CDH23: variants seen among roughly 807,000 people sequenced by gnomAD.
The protein encoded by CDH23 is cadherin-23.
In CDH23, 189 loss-of-function variants were observed where a neutral mutation model predicts 317.1. The ratio of observed to expected loss-of-function variants is 0.60; its 90% confidence interval spans 0.53 to 0.67. The LOEUF is 0.67. Ranked by LOEUF, CDH23 falls within the 30% of genes least tolerant of loss-of-function variation. The pLI, the probability that CDH23 is intolerant of heterozygous loss-of-function variation, is 0.00. For missense variants in CDH23, 4,401 were observed against 4,592.4 expected (o/e 0.96, Z 1.20); for synonymous variants, 1,839 against 1,876.8 (o/e 0.98, Z 0.52).
intron 10 of CDH23, 150 bp downstream of exon 10, chr10:71,615,766 C>T: frequency 1.6e-6 from 1 of 627,534 alleles, no homozygotes; most frequent in Non-Finnish European, 2.8e-6. Context: ...CCTCCCGGGG[C>T]TGTGCCCAGG....
intron 38 of CDH23, among the ~76,000 whole-genome samples, chr10:71,767,156 T>C (rs1840567092): frequency 6.6e-6 from 1 of 152,224 alleles, no homozygotes; most frequent in African/African-American, 2.4e-5. Flanking sequence ...AAAGGAGCTC[T>C]TGTTGGCATC....
intron 1 of CDH23, among the ~76,000 whole-genome samples, chr10:71,412,756 GC>G (rs2131924806): frequency 6.6e-6 from 1 of 152,236 alleles, no homozygotes; most frequent in South Asian, 2.1e-4. Context: ...TTCCCTAATG[GC>G]TAGTGATGTT....
intron 14 of CDH23, among the ~76,000 whole-genome samples, chr10:71,652,131 C>T (rs1031289193): frequency 9.9e-5 from 15 of 152,212 alleles, no homozygotes; most frequent in Admixed American, 8.5e-4. Flanking sequence ...TGTGGGGCCC[C>T]AGGACCAGCT....
chr10:71,805,831 AC>A lies in CDH23; in HGVS notation c.7899del (p.Tyr2633Ter). The stretch of plus-strand genomic sequence containing the variant: ...GAGATCCCGCTGCGCTCCAACGTGT[AC>A]GAGGTCTACGCCACGGACAAGGATG... ...REEIPLRSNV[Y>X]EVYATDKDEG... On this transcript the variant is annotated frameshift_variant, in exon 56 of 70. Coordinates refer to ENST00000224721, the MANE Select transcript of CDH23 (RefSeq NM_022124.6). LOFTEE classifies it high-confidence loss of function. 1 of 1,613,654 alleles carries A rather than the reference AC, an allele frequency of 6.2e-7. No individual in the cohort carries two copies. The highest frequency in any genetic ancestry group is 8.5e-7 in the Non-Finnish European group (1 of 1,179,794).
chr10:71,449,085 C>T (rs1250153850), intron 3 of CDH23, among the ~76,000 whole-genome samples: 1 of 152,212 alleles, frequency 6.6e-6, no homozygotes. Context: ...AATACCACCA[C>T]CTCTAAAGCT....
chr10:71,673,181 G>A (rs1047523267), intron 14 of CDH23, among the ~76,000 whole-genome samples: 18 of 152,248 alleles, frequency 1.2e-4, no homozygotes, highest in African/African-American at 2.6e-4. Flanking sequence ...GCCAGGCACC[G>A]TCTGTGCTGT....
In CDH23 at chr10:71,803,384, G is replaced by A. The variant is rs774218838; in HGVS notation, c.7836G>A (p.Val2612=). Residue 2612 remains valine, a synonymous_variant, in exon 55 of 70, where the codon GTG becomes GTA. Transcript: ENST00000224721. ...IDVNDNRPVF[V]RPPNGTILHI... is the part of the protein sequence containing the mutation. ...TCAATGACAACCGCCCTGTCTTTGTGCGCCCACCCAACGGCACCATCCTCC... is the reference window on the plus strand; with the variant it reads ...TCAATGACAACCGCCCTGTCTTTGTACGCCCACCCAACGGCACCATCCTCC... 13 of 1,599,692 alleles carry A rather than the reference G, an allele frequency of 8.1e-6. No individual in the cohort carries two copies. The South Asian group carries it at 1.4e-4, about 17-fold the overall frequency.
chr10:71,679,560 C>A (rs1864525400), intron 17 of CDH23, 68 bp downstream of exon 17: 1 of 1,232,074 alleles, frequency 8.1e-7, no homozygotes. Flanking sequence ...ACTCACACCT[C>A]CCTTGTGGGG....
chr10:71,645,561 A>G, intron 12 of CDH23: 1 of 633,188 alleles, frequency 1.6e-6, no homozygotes. Flanking sequence ...TGGAGAGTGA[A>G]CCAAACCACC....
At chr10:71,539,860 C>T (rs1855894266) in intron 6 of CDH23, among the ~76,000 whole-genome samples, 1 of 152,056 alleles carries the variant, frequency 6.6e-6, no homozygotes, top group South Asian at 2.1e-4. Context: ...CTGCTTGCTC[C>T]CCACCCATCT....
chr10:71,713,270 GC>G, intron 28 of CDH23: 1 of 779,460 alleles, frequency 1.3e-6, no homozygotes. Flanking sequence ...TGCCCAGGGA[GC>G]AGGCGCAACA....
chr10:71,492,709 A>G (rs1036494048), intron 3 of CDH23, among the ~76,000 whole-genome samples: 1 of 152,178 alleles, frequency 6.6e-6, no homozygotes, highest in Non-Finnish European at 1.5e-5. Context: ...CTCTGGGTAT[A>G]CAGCAGAGAA....
At chr10:71,718,808 T>C (rs1245941559) in intron 28 of CDH23, among the ~76,000 whole-genome samples, 1 of 152,086 alleles carries the variant, frequency 6.6e-6, no homozygotes, top group African/African-American at 2.4e-5. Flanking sequence ...GGCTCTCACC[T>C]GTAATCCCAG....
chr10:71,642,391 C>CTT (rs1862592924), intron 11 of CDH23, among the ~76,000 whole-genome samples: 1 of 113,492 alleles, frequency 8.8e-6, no homozygotes, highest in South Asian at 3.4e-4. Context: ...CTGGCCCGGC[C>CTT]TCTTTTTTTT....
chr10:71,490,317 C>G (rs763029854), intron 3 of CDH23, among the ~76,000 whole-genome samples: 6 of 152,156 alleles, frequency 3.9e-5, no homozygotes, highest in Non-Finnish European at 7.4e-5. Flanking sequence ...TTATTAGAAT[C>G]AGAAATCATG....
chr10:71,445,807 T>G (rs1269981327), intron 2 of CDH23, among the ~76,000 whole-genome samples: 1 of 133,498 alleles, frequency 7.5e-6, no homozygotes, highest in African/African-American at 2.9e-5. Context: ...ATGATCACAC[T>G]GCTACTCTTC....
At position 71,793,457 on chromosome 10, in the gene CDH23, C is replaced by A; in HGVS notation, c.6529C>A (p.Pro2177Thr). 2 of 1,614,012 alleles carry A rather than the reference C, an allele frequency of 1.2e-6. No homozygotes were observed. Among genetic ancestry groups the A allele is most frequent in the Non-Finnish European group, 1.7e-6 (2 of 1,179,894 alleles). ...INDSRPEFLN[P>T]IQTVSVLESA... ...TGACTCCCGCCCCGAGTTCCTCAACCCCATCCAGACAGTGAGCGTGCTGGA... is the reference window on the plus strand; with the variant it reads ...TGACTCCCGCCCCGAGTTCCTCAACACCATCCAGACAGTGAGCGTGCTGGA... Residue 2177 changes from proline (P) to threonine (T), a missense_variant, in exon 48 of 70, where the codon CCC becomes ACC. Pro to Thr is a conservative substitution (Grantham distance 38). Around this residue, in one of 3 missense-constraint regions of CDH23, gnomAD observed 3,068 missense variants for 3,203.3 expected, o/e 0.96. Coordinates refer to ENST00000224721, the MANE Select transcript of CDH23 (RefSeq NM_022124.6).
chr10:71,680,915 G>A (rs1248848388), intron 17 of CDH23, among the ~76,000 whole-genome samples: 4 of 125,566 alleles, frequency 3.2e-5, no homozygotes, highest in African/African-American at 6.0e-5. Context: ...TGCAACCTCC[G>A]CCTTGTGGGT....
chr10:71,398,954 T>C (rs1049049007), intron 1 of CDH23, among the ~76,000 whole-genome samples: 1 of 152,192 alleles, frequency 6.6e-6, no homozygotes, highest in Non-Finnish European at 1.5e-5. Flanking sequence ...CTTCTCAGAC[T>C]TGGCCTTCCT....
Sources: gnomAD v4.1 joint callset for allele counts (sites outside exome capture counted in the v4.1 genomes callset) on GRCh38, gnomAD v4.1.1 for gene constraint, gnomAD v4.1.1 regional missense constraint, MANE v1.5 for transcripts, NCBI Gene and HGNC (gene_info 2026-07-23, HGNC 2026-07-21) for gene names.